The following LAMA1 variants were observed in gnomAD, a reference collection of about 807,000 sequenced individuals.
LAMA1 encodes the protein laminin subunit alpha 1.
LAMA1 carries 219 observed loss-of-function variants against 348.7 expected under a neutral mutation model. The observed-to-expected ratio is 0.63, with a 90% CI of 0.56 to 0.70. The LOEUF (loss-of-function observed/expected upper bound fraction) is 0.70. LAMA1 is among the 30% of genes least tolerant of loss of function. The pLI is 0.00. For synonymous variants in LAMA1, 1,487 were observed against 1,491.0 expected (o/e 1.00, Z 0.06); for missense variants, 3,744 against 3,888.0 (o/e 0.96, Z 0.99).
intron 17 of LAMA1, among the ~76,000 whole-genome samples, chr18:7,025,307 T>A (rs1413157041): frequency 7.2e-5 from 11 of 152,194 alleles, no homozygotes; most frequent in Non-Finnish European, 1.6e-4. Flanking sequence ...CAGCTCCATC[T>A]GCCTAGAACG....
intron 3 of LAMA1, among the ~76,000 whole-genome samples, chr18:7,057,873 C>G (rs1167414066): frequency 1.3e-5 from 2 of 151,822 alleles, no homozygotes; most frequent in African/African-American, 2.4e-5. Context: ...CCGCTCACTG[C>G]AACCTCCACC....
At chr18:6,953,335 C>T (rs947110335) in intron 57 of LAMA1, among the ~76,000 whole-genome samples, 1 of 152,254 alleles carries the variant, frequency 6.6e-6, no homozygotes, top group Non-Finnish European at 1.5e-5. Flanking sequence ...TCAATAATGC[C>T]CTCGAGGCAC....
chr18:6,996,369 C>T (rs563973183), intron 33 of LAMA1, among the ~76,000 whole-genome samples: 10 of 152,148 alleles, frequency 6.6e-5, no homozygotes, highest in Non-Finnish European at 1.3e-4. Context: ...TAAGAAAAGG[C>T]ATTTAGGAAT....
At chr18:7,110,222 T>C (rs951869962) in intron 1 of LAMA1, among the ~76,000 whole-genome samples, 5 of 148,766 alleles carry the variant, frequency 3.4e-5, no homozygotes, top group Admixed American at 6.7e-5. Context: ...AGTTACACTA[T>C]AGCAGCTGGT....
In LAMA1 at chr18:7,042,177, A is replaced by G; in HGVS notation, c.1229T>C (p.Ile410Thr). The G allele has an allele frequency of 6.2e-7, 1 of 1,612,672 alleles. No homozygotes were observed. Among genetic ancestry groups the G allele is most frequent in the Non-Finnish European group, 8.5e-7 (1 of 1,179,192 alleles). ...DPVGSLSSVC[I>T]KDDLHSDLHN... The stretch of plus-strand genomic sequence containing the variant: ...TAAGTCAGAATGGAGGTCATCCTTA[A>G]TACAGACAGAACTGAGGGACCCCAC... The change falls in exon 9 of 63, where the codon ATT (isoleucine) becomes ACT (threonine). Residue 410 changes from isoleucine to threonine, a missense_variant. Physicochemically the swap from Ile to Thr is moderately conservative, Grantham distance 89. Transcript: ENST00000389658.
intron 7 of LAMA1, among the ~76,000 whole-genome samples, chr18:7,044,335 G>A (rs2058033337): frequency 6.6e-6 from 1 of 151,984 alleles, no homozygotes; most frequent in Admixed American, 6.6e-5. Flanking sequence ...GGGAGATGAA[G>A]TGGAAGTCAT....
intron 3 of LAMA1, chr18:7,079,342 C>T (rs2058183545): frequency 6.5e-6 from 1 of 153,504 alleles, no homozygotes; most frequent in Non-Finnish European, 1.4e-5. Flanking sequence ...AACTGGGGCT[C>T]ATCTCATATT....
In LAMA1 at chr18:7,013,993, T is replaced by C. The variant is rs781419008; in HGVS notation, c.3185A>G (p.His1062Arg). Residue 1062 changes from histidine to arginine, a missense_variant, in exon 23 of 63, where the codon CAT (histidine) becomes CGT (arginine). By Grantham distance (29) the His-to-Arg change is conservative. Around this residue, in one of 3 missense-constraint regions of LAMA1, gnomAD observed 1,529 missense variants for 1,689.4 expected, o/e 0.91. Coordinates refer to ENST00000389658, the MANE Select transcript of LAMA1 (RefSeq NM_005559.4). ...THHRCDVVTG[H>R]CQCKSKFGGR... ...ACCAAATTTTGACTTGCACTGGCAATGGCCGGTGACCACATCGCACCGATG... is the reference window on the plus strand; with the variant it reads ...ACCAAATTTTGACTTGCACTGGCAACGGCCGGTGACCACATCGCACCGATG... 6.2e-7 allele frequency: 1 copy of C among 1,613,942 alleles called. No individual in the cohort carries two copies. The highest frequency in any genetic ancestry group is 1.1e-5 in the South Asian group (1 of 90,996).
rs1291899141 is a variant in LAMA1, at chr18:7,007,517, G to A, written c.4123-241C>T. On this transcript the variant is annotated intron_variant, in intron 28 of 62. Transcript: ENST00000389658. ...AAGTATTGGTGAGAAACTGGACCTTGTATACTGCTGGTGAGAATGGAAAAT... is the reference window on the plus strand; with the variant it reads ...AAGTATTGGTGAGAAACTGGACCTTATATACTGCTGGTGAGAATGGAAAAT... 5.3e-5 allele frequency among the ~76,000 whole-genome samples: 8 copies of A among 150,550 alleles called. No individual in the cohort carries two copies. The East Asian group carries it at 1.6e-3, about 29-fold the overall frequency.
chr18:6,966,276 G>A lies in LAMA1; in HGVS notation c.6921C>T (p.Ser2307=). ...CFGSSQNEDP[S]FHFDGSGYSV... is the part of the protein sequence containing the mutation. ...AGTACCCACTCCCGTCAAAATGGAA[G>A]GAAGGGTCTTCATTCTGGGAGCTGC... The change falls in exon 49 of 63, where the codon TCC becomes TCT. Residue 2307 remains serine, a synonymous_variant. Coordinates refer to ENST00000389658, the MANE Select transcript of LAMA1 (RefSeq NM_005559.4). The A allele has an allele frequency of 1.9e-6, 3 of 1,613,848 alleles. No homozygotes were observed. The highest frequency in any genetic ancestry group is 2.5e-6 in the Non-Finnish European group (3 of 1,179,912).
chr18:7,063,845 G>A (rs1221498015), intron 3 of LAMA1, among the ~76,000 whole-genome samples: 1 of 152,196 alleles, frequency 6.6e-6, no homozygotes, highest in Non-Finnish European at 1.5e-5. Context: ...GCTACCCAGG[G>A]CTGGGGGAAG....
intron 1 of LAMA1, among the ~76,000 whole-genome samples, chr18:7,115,855 G>C (rs1339951436): frequency 2.0e-5 from 3 of 149,858 alleles, no homozygotes; most frequent in East Asian, 2.0e-4. Context: ...GGTGGCACGC[G>C]CCTGTAGTCC....
intron 26 of LAMA1, among the ~76,000 whole-genome samples, chr18:7,009,846 G>A (rs1028857579): frequency 5.3e-5 from 8 of 152,196 alleles, no homozygotes; most frequent in East Asian, 3.9e-4. Flanking sequence ...TCTCTCTGTC[G>A]CACAAGCTGG....
At chr18:7,105,001 G>T (rs529775602) in intron 1 of LAMA1, among the ~76,000 whole-genome samples, 1 of 152,326 alleles carries the variant, frequency 6.6e-6, no homozygotes, top group Admixed American at 6.5e-5. Flanking sequence ...GGGTGTGTGT[G>T]TGCATGTATG....
intron 39 of LAMA1, among the ~76,000 whole-genome samples, chr18:6,984,492 A>T (rs1308676917): frequency 6.6e-6 from 1 of 152,166 alleles, no homozygotes; most frequent in Non-Finnish European, 1.5e-5. Context: ...GAGGGTTTTT[A>T]AAAAATCACA....
At chr18:7,087,398 A>G (rs2058222115) in intron 1 of LAMA1, among the ~76,000 whole-genome samples, 1 of 152,222 alleles carries the variant, frequency 6.6e-6, no homozygotes, top group African/African-American at 2.4e-5. Flanking sequence ...AGAGAAACAG[A>G]TGATGCTCCA....
At chr18:6,994,465 A>G (rs1213047134) in intron 34 of LAMA1, among the ~76,000 whole-genome samples, 2 of 152,222 alleles carry the variant, frequency 1.3e-5, no homozygotes, top group Non-Finnish European at 1.5e-5. Flanking sequence ...GGATACAGAG[A>G]ATTTATTTTA....
intron 3 of LAMA1, among the ~76,000 whole-genome samples, chr18:7,062,210 G>A (rs1441372589): frequency 1.3e-5 from 2 of 152,244 alleles, no homozygotes; most frequent in East Asian, 3.9e-4. Context: ...AAGGGTGGAG[G>A]CTGTGAGAGT....
chr18:7,015,984 C>A, intron 21 of LAMA1, 126 bp from the exon 22 acceptor site: 1 of 1,167,828 alleles, frequency 8.6e-7, no homozygotes, highest in Non-Finnish European at 1.2e-6. Flanking sequence ...AGACGCCTCA[C>A]AATTCCCAAG....
Sources: allele counts gnomAD v4.1 joint callset (sites outside exome capture counted in the v4.1 genomes callset), GRCh38; gene constraint gnomAD v4.1.1; regional missense constraint gnomAD v4.1.1; transcripts MANE v1.5; gene names NCBI Gene and HGNC (gene_info 2026-07-23, HGNC 2026-07-21).